ANKRD26: variants seen among roughly 807,000 people sequenced by gnomAD.
ANKRD26 encodes the protein ankyrin repeat domain 26.
Under a neutral mutation model 208.7 loss-of-function variants are expected in ANKRD26, and 141 were observed. That is an observed-to-expected ratio of 0.68 (90% CI 0.59 to 0.78). The LOEUF (loss-of-function observed/expected upper bound fraction) is 0.78. Ranked by LOEUF, ANKRD26 falls within the 30% of genes least tolerant of loss-of-function variation. The probability of loss-of-function intolerance (pLI) is 0.00; values close to 1 mark genes in which losing one functional copy is unlikely to be tolerated. For synonymous variants in ANKRD26, 636 were observed against 660.4 expected, an observed-to-expected ratio of 0.96 and a Z score of 0.57; for missense variants, 1,889 against 1,938.7, an observed-to-expected ratio of 0.97 and a Z score of 0.48.
downstream of ANKRD26, among the ~76,000 whole-genome samples, chr10:26,991,727 C>G (rs1239249723): frequency 6.6e-6 from 1 of 152,096 alleles, no homozygotes; most frequent in Non-Finnish European, 1.5e-5. Context: ...GGGTGTGAAC[C>G]AAAGAAATAT....
At chr10:26,979,084 G>A (rs902497290) in intron 5 of ANKRD26, among the ~76,000 whole-genome samples, 1 of 152,136 alleles carries the variant, frequency 6.6e-6, no homozygotes, top group Non-Finnish European at 1.5e-5. Flanking sequence ...TAGCCAGCAT[G>A]GTGGCAGCCC....
At chr10:27,055,715 G>A (rs2054816044) in intron 15 of ANKRD26, among the ~76,000 whole-genome samples, 1 of 152,180 alleles carries the variant, frequency 6.6e-6, no homozygotes, top group Non-Finnish European at 1.5e-5. Context: ...GACAGACTAT[G>A]TGTACACAGC....
chr10:27,017,682 C>G lies in ANKRD26; in HGVS notation c.4326G>C (p.Lys1442Asn). The G allele has an allele frequency of 1.2e-6, 2 of 1,613,348 alleles. No individual in the cohort carries two copies. Among genetic ancestry groups the G allele is most frequent in the Non-Finnish European group, 1.7e-6 (2 of 1,179,796 alleles). The stretch of plus-strand genomic sequence containing the variant: ...TATTCTTCTGTAGTTTTTCACATTT[C>G]TTTTGTACTGTTTTCATAGATAACA... ...EELLSMKTVQKKCEKLQKNKK... is the reference protein window; with the variant it reads ...EELLSMKTVQNKCEKLQKNKK... Residue 1442 changes from lysine to asparagine, a missense_variant, in exon 30 of 34, where the codon AAG (lysine) becomes AAC (asparagine). This residue lies in a region of ANKRD26 where 613 missense variants were observed against 648.2 expected (regional missense o/e 0.95). Coordinates refer to ENST00000376087, the MANE Select transcript of ANKRD26 (RefSeq NM_014915.3).
In ANKRD26 at chr10:27,048,980, C is replaced by A; in HGVS notation, c.1636-1G>T. 1 of 1,593,804 alleles carries A rather than the reference C, an allele frequency of 6.3e-7. No homozygotes were observed. The highest frequency in any genetic ancestry group is 8.6e-7 in the Non-Finnish European group (1 of 1,167,364). On this transcript the variant is annotated splice_acceptor_variant, in intron 16 of 33. Transcript: ENST00000376087. LOFTEE classifies it high-confidence loss of function. Reference sequence around the variant, plus strand: ...TGTGTTTTTTCCTTTCTTCTTCAACCTTTAATGAAAGTTTGATACTAAGGA... The same window carrying A: ...TGTGTTTTTTCCTTTCTTCTTCAACATTTAATGAAAGTTTGATACTAAGGA...
intron 1 of ANKRD26, among the ~76,000 whole-genome samples, chr10:27,095,671 AAAAT>A (rs2056445291): frequency 6.6e-6 from 1 of 152,240 alleles, no homozygotes; most frequent in African/African-American, 2.4e-5. Context: ...TCCTCTCAAA[AAAAT>A]AAATAAATAA....
At chr10:27,006,850 G>A (rs759562859) in intron 33 of ANKRD26, 67 bp downstream of exon 33, 7 of 1,303,186 alleles carry the variant, frequency 5.4e-6, no homozygotes, top group African/African-American at 4.4e-5. Context: ...TCCCACTCAC[G>A]ATTTACAATT....
exon 6 of ANKRD26, among the ~76,000 whole-genome samples, chr10:26,975,500 A>G (rs1039399592): frequency 1.4e-5 from 2 of 140,596 alleles, no homozygotes; most frequent in African/African-American, 5.4e-5. Context: ...GTGCTGGGAT[A>G]ACAGGCATGA....
intron 5 of ANKRD26, 101 bp from the exon 6 acceptor site, chr10:27,082,934 G>C: frequency 7.0e-7 from 1 of 1,422,828 alleles, no homozygotes; most frequent in South Asian, 1.3e-5. Context: ...ATCCCTCTGG[G>C]ACCATATCTG....
At chr10:26,970,886 A>C (rs2052132763), downstream of ANKRD26, among the ~76,000 whole-genome samples, 1 of 152,240 alleles carries the variant, frequency 6.6e-6, no homozygotes, top group Non-Finnish European at 1.5e-5. Context: ...AAGAGGAAGT[A>C]AGGGGACATG....
chr10:27,095,653 G>C (rs906548457), intron 1 of ANKRD26, among the ~76,000 whole-genome samples: 7 of 152,174 alleles, frequency 4.6e-5, no homozygotes, highest in Admixed American at 3.3e-4. Flanking sequence ...GGGTGTCAGA[G>C]CATAATCTCC....
intron 20 of ANKRD26, among the ~76,000 whole-genome samples, chr10:27,041,617 C>A (rs1315271156): frequency 6.6e-6 from 1 of 152,074 alleles, no homozygotes; most frequent in African/African-American, 2.4e-5. Flanking sequence ...AACCAAATTG[C>A]ACTTGTAGAG....
chr10:26,983,783 C>T (rs1008801293), intron 3 of ANKRD26, among the ~76,000 whole-genome samples: 6 of 152,158 alleles, frequency 3.9e-5, no homozygotes, highest in Non-Finnish European at 8.8e-5. Flanking sequence ...TTCCCATGTG[C>T]CTTTCTCCTA....
Position 27,017,799 on chromosome 10 carries a change from G to T in ANKRD26, c.4216-7C>A. 6.2e-7 allele frequency: 1 copy of T among 1,610,660 alleles called. No homozygotes were observed. Among genetic ancestry groups the T allele is most frequent in the South Asian group, 1.1e-5 (1 of 90,842 alleles). ...CTGCTGTAAGATCATCAATCTGAAT[G>T]AAGACAATAATATAGTGTAATAATG... is the stretch of plus-strand genomic sequence containing the variant. On this transcript the variant is annotated splice_polypyrimidine_tract_variant and splice_region_variant and intron_variant, in intron 29 of 33. Coordinates refer to ENST00000376087, the MANE Select transcript of ANKRD26 (RefSeq NM_014915.3).
At chr10:26,999,536 A>T (rs548571229), downstream of ANKRD26, among the ~76,000 whole-genome samples, 3 of 152,284 alleles carry the variant, frequency 2.0e-5, no homozygotes, top group Non-Finnish European at 2.9e-5. Context: ...GGGGCTTAAG[A>T]TGTGGGAGGG....
chr10:27,084,333 A>C (rs1403320061), intron 5 of ANKRD26, among the ~76,000 whole-genome samples: 1 of 152,124 alleles, frequency 6.6e-6, no homozygotes, highest in African/African-American at 2.4e-5. Context: ...CAATTATAGA[A>C]ATCAATTAAA....
chr10:27,039,659 A>T lies in ANKRD26; in HGVS notation c.2375+306T>A, dbSNP rs575941019. Among the ~76,000 whole-genome samples the T allele has an allele frequency of 6.8e-4, 103 of 152,316 alleles. 1 individual carries two copies. The highest frequency in any genetic ancestry group is 2.3e-3 in the African/African-American group (96 of 41,584). ...TTAGAAATGTAGAAAAAGATTTATAAAAAGGTATTCCTTCCAGCATTAACT... is the reference window on the plus strand; with the variant it reads ...TTAGAAATGTAGAAAAAGATTTATATAAAGGTATTCCTTCCAGCATTAACT... On this transcript the variant is annotated intron_variant, in intron 21 of 33. Transcript: ENST00000376087.
chr10:27,001,025 CAAACA>C (rs1330476840), downstream of ANKRD26, among the ~76,000 whole-genome samples: 11 of 152,114 alleles, frequency 7.2e-5, no homozygotes, highest in Non-Finnish European at 1.2e-4. Context: ...AACAAACAAA[CAAACA>C]AAAGACAGAA....
Position 27,092,494 on chromosome 10 carries a change from A to G in ANKRD26, c.550T>C (p.Leu184=), listed in dbSNP as rs1379382319. The G allele has an allele frequency of 6.2e-7, 1 of 1,613,564 alleles. No homozygotes were observed. The highest frequency in any genetic ancestry group is 8.5e-7 in the Non-Finnish European group (1 of 1,179,848). Residue 184 remains leucine (L), a synonymous_variant, in exon 4 of 34, where the codon TTA becomes CTA. Coordinates refer to ENST00000376087, the MANE Select transcript of ANKRD26 (RefSeq NM_014915.3). The stretch of plus-strand genomic sequence containing the variant: ...TGCTTTTTTCCACTTACTGCAAGTA[A>G]AAGTGGTGTGAGGTCATCCTGTAAG... ...AKNKDDLTPL[L]LAVSGKKQQM...
intron 19 of ANKRD26, 99 bp from the exon 20 acceptor site, chr10:27,043,666 G>C: frequency 4.1e-6 from 5 of 1,227,492 alleles, no homozygotes; most frequent in Non-Finnish European, 2.3e-6. Flanking sequence ...AAAAACACAG[G>C]TATTTCTTAA....
Sources: gnomAD v4.1 joint callset for allele counts (sites outside exome capture counted in the v4.1 genomes callset) on GRCh38, gnomAD v4.1.1 for gene constraint, gnomAD v4.1.1 regional missense constraint, MANE v1.5 for transcripts, NCBI Gene and HGNC (gene_info 2026-07-23, HGNC 2026-07-21) for gene names.